The following PHACTR1 variants were observed in gnomAD, a reference collection of about 807,000 sequenced individuals.
PHACTR1 encodes the protein phosphatase and actin regulator 1.
In PHACTR1, 16 loss-of-function variants were observed where a neutral mutation model predicts 69.2. The observed-to-expected ratio is 0.23, with a 90% CI of 0.16 to 0.35. The LOEUF (loss-of-function observed/expected upper bound fraction) is 0.35. Ranked by LOEUF, PHACTR1 falls within the 10% of genes least tolerant of loss-of-function variation. The pLI is 1.00. For missense variants in PHACTR1, 510 were observed against 734.7 expected, an observed-to-expected ratio of 0.69 and a Z score of 3.54; for synonymous variants, 312 against 284.5, an observed-to-expected ratio of 1.10 and a Z score of -0.97.
At chr6:12,916,540 G>GTT (rs10586172) in intron 4 of PHACTR1, among the ~76,000 whole-genome samples, 59 of 133,460 alleles carry the variant, frequency 4.4e-4, no homozygotes, top group African/African-American at 1.3e-3. Context: ...GGCATGGACT[G>GTT]TTTTTTTTTT....
At chr6:13,139,027 C>T (rs114926402) in intron 5 of PHACTR1, among the ~76,000 whole-genome samples, 1,888 of 151,386 alleles carry the variant, frequency 0.012, 41 homozygotes, top group African/African-American at 0.043. Flanking sequence ...GACATGGAGC[C>T]ATGAAATAAT....
intron 13 of PHACTR1, among the ~76,000 whole-genome samples, chr6:13,284,503 G>A (rs1156232724): frequency 6.7e-5 from 6 of 88,910 alleles, no homozygotes; most frequent in Non-Finnish European, 1.2e-4. Flanking sequence ...GATGACAACA[G>A]TGAAACTCCA....
At chr6:12,801,310 A>G (rs1251345229) in intron 4 of PHACTR1, among the ~76,000 whole-genome samples, 2 of 152,214 alleles carry the variant, frequency 1.3e-5, no homozygotes, top group East Asian at 1.9e-4. Flanking sequence ...GAGATGGTCA[A>G]CAGTGGCCAC....
chr6:13,219,012 C>T (rs944799843), intron 8 of PHACTR1, among the ~76,000 whole-genome samples: 1 of 151,796 alleles, frequency 6.6e-6, no homozygotes, highest in Non-Finnish European at 1.5e-5. Flanking sequence ...AGAGAAGAGT[C>T]GAGTTTTCCA....
intron 4 of PHACTR1, among the ~76,000 whole-genome samples, chr6:13,002,731 T>C (rs933394260): frequency 1.3e-5 from 2 of 152,246 alleles, no homozygotes; most frequent in Non-Finnish European, 2.9e-5. Flanking sequence ...CCCAGTTGTC[T>C]TAATATGCAC....
intron 5 of PHACTR1, among the ~76,000 whole-genome samples, chr6:13,080,848 C>T (rs571866907): frequency 2.0e-5 from 3 of 152,100 alleles, no homozygotes; most frequent in South Asian, 4.1e-4. Flanking sequence ...TGTCATCCTA[C>T]GAAAGAACTT....
intron 4 of PHACTR1, among the ~76,000 whole-genome samples, chr6:13,019,066 A>ATTTTTTTTT (rs369553785): frequency 3.0e-5 from 4 of 134,626 alleles, no homozygotes; most frequent in Non-Finnish European, 6.4e-5. Context: ...ATATATATAT[A>ATTTTTTTTT]TATATATATT....
chr6:12,733,749 A>G (rs965120613), intron 3 of PHACTR1, among the ~76,000 whole-genome samples: 5 of 152,220 alleles, frequency 3.3e-5, no homozygotes, highest in Admixed American at 2.0e-4. Context: ...GATATGTCCA[A>G]GTATATATCA....
intron 10 of PHACTR1, among the ~76,000 whole-genome samples, chr6:13,247,570 T>C (rs1206585815): frequency 6.6e-6 from 1 of 152,124 alleles, no homozygotes; most frequent in Non-Finnish European, 1.5e-5. Flanking sequence ...GATCTCGAAC[T>C]CCTGACCTCA....
chr6:12,746,450 T>C (rs1194137460), intron 3 of PHACTR1, among the ~76,000 whole-genome samples: 1 of 152,114 alleles, frequency 6.6e-6, no homozygotes, highest in Non-Finnish European at 1.5e-5. Flanking sequence ...GGTGGAAGGA[T>C]TGCTTGAGCC....
At chr6:13,015,766 T>C (rs1397244757) in intron 4 of PHACTR1, among the ~76,000 whole-genome samples, 1 of 152,246 alleles carries the variant, frequency 6.6e-6, no homozygotes, top group Non-Finnish European at 1.5e-5. Context: ...GTATGTATTT[T>C]AACCTACAGC....
intron 4 of PHACTR1, among the ~76,000 whole-genome samples, chr6:12,889,870 A>C (rs1244146782): frequency 6.8e-6 from 1 of 147,456 alleles, no homozygotes; most frequent in African/African-American, 2.5e-5. Context: ...GGGGGCTTGT[A>C]AACATGTAGT....
chr6:13,111,631 G>A (rs964550113), intron 5 of PHACTR1, among the ~76,000 whole-genome samples: 1 of 152,060 alleles, frequency 6.6e-6, no homozygotes, highest in East Asian at 1.9e-4. Flanking sequence ...TCTTAAGTTA[G>A]ACTCTTACTC....
chr6:12,917,469 C>T (rs1185262256), intron 4 of PHACTR1, among the ~76,000 whole-genome samples: 6 of 152,128 alleles, frequency 3.9e-5, no homozygotes, highest in Non-Finnish European at 5.9e-5. Flanking sequence ...AAATGACAAG[C>T]AGGCCAGGCG....
intron 4 of PHACTR1, among the ~76,000 whole-genome samples, chr6:12,850,168 C>T (rs567717306): frequency 1.3e-5 from 2 of 152,322 alleles, no homozygotes; most frequent in Admixed American, 1.3e-4. Context: ...ATCTCTACTC[C>T]CTATTCTTAT....
At chr6:12,871,248 C>T (rs1047325386) in intron 4 of PHACTR1, among the ~76,000 whole-genome samples, 2 of 152,152 alleles carry the variant, frequency 1.3e-5, no homozygotes, top group African/African-American at 4.8e-5. Flanking sequence ...GACTTTGGGA[C>T]ATAAGTATGG....
chr6:12,972,469 A>T (rs1794337708), intron 4 of PHACTR1, among the ~76,000 whole-genome samples: 1 of 152,126 alleles, frequency 6.6e-6, no homozygotes, highest in Admixed American at 6.5e-5. Flanking sequence ...AGGTCAGAAG[A>T]CCAAAATCAA....
intron 10 of PHACTR1, among the ~76,000 whole-genome samples, chr6:13,247,947 T>G (rs1773822975): frequency 6.6e-6 from 1 of 152,336 alleles, no homozygotes; most frequent in Admixed American, 6.5e-5. Context: ...ATCTACCACC[T>G]GCCCATTCTA....
At chr6:12,903,103 T>G (rs1004911253) in intron 4 of PHACTR1, among the ~76,000 whole-genome samples, 4 of 152,082 alleles carry the variant, frequency 2.6e-5, no homozygotes, top group African/African-American at 9.7e-5. Flanking sequence ...GCCAGACACC[T>G]GCTTTCGGCT....
Sources: gnomAD v4.1 joint callset for allele counts (sites outside exome capture counted in the v4.1 genomes callset) on GRCh38, gnomAD v4.1.1 for gene constraint, MANE v1.5 for transcripts, NCBI Gene and HGNC (gene_info 2026-07-23, HGNC 2026-07-21) for gene names.